Variants in TRPC1 observed in about 807,000 individuals in gnomAD.
The protein encoded by TRPC1 is short transient receptor potential channel 1.
Under a neutral mutation model 88.2 loss-of-function variants are expected in TRPC1, and 42 were observed. That is an observed-to-expected ratio of 0.48 (90% CI 0.37 to 0.62). The LOEUF (loss-of-function observed/expected upper bound fraction) is 0.62. Among genes scored for constraint, TRPC1 ranks in the 20% least tolerant of loss-of-function variants. The pLI is 0.00. For missense variants in TRPC1, 699 were observed against 957.3 expected, an observed-to-expected ratio of 0.73 and a Z score of 3.56; for synonymous variants, 288 against 331.8, an observed-to-expected ratio of 0.87 and a Z score of 1.43.
Position 142,773,244 on chromosome 3 carries a change from G to A in TRPC1, c.633-4388G>A, listed in dbSNP as rs187030113. Among the ~76,000 whole-genome samples, 187 of 151,448 alleles carry A rather than the reference G, an allele frequency of 1.2e-3. 1 individual carries two copies. In the East Asian group the frequency reaches 0.025, roughly 20 times the overall value. ...GTCTTTTTTTTTGAGATGGAGTCTC[G>A]CTGTGTTGCCCATGCTGGAGTGCAG... On this transcript the variant is annotated intron_variant, in intron 4 of 12. Transcript: ENST00000476941.
chr3:142,774,592 T>A (rs1935691559), intron 4 of TRPC1, among the ~76,000 whole-genome samples: 3 of 152,196 alleles, frequency 2.0e-5, no homozygotes, highest in Admixed American at 2.0e-4. Context: ...TGGAGGCAGT[T>A]CTAGGCAAGG....
intron 10 of TRPC1, among the ~76,000 whole-genome samples, chr3:142,802,723 C>T (rs766200978): frequency 2.2e-4 from 34 of 152,270 alleles, no homozygotes; most frequent in African/African-American, 5.8e-4. Flanking sequence ...CAGCCAAAAA[C>T]GCTCACAGCT....
At chr3:142,766,558 G>T (rs1935398464) in intron 4 of TRPC1, among the ~76,000 whole-genome samples, 1 of 151,956 alleles carries the variant, frequency 6.6e-6, no homozygotes, top group Non-Finnish European at 1.5e-5. Flanking sequence ...GTACCACCAT[G>T]CCTGGCTAAT....
intron 1 of TRPC1, among the ~76,000 whole-genome samples, chr3:142,729,029 C>A (rs1271758649): frequency 6.6e-6 from 1 of 152,154 alleles, no homozygotes; most frequent in Non-Finnish European, 1.5e-5. Flanking sequence ...ATAGACATAG[C>A]ATTTATGTAC....
chr3:142,782,703 T>G (rs1936001880), intron 6 of TRPC1, among the ~76,000 whole-genome samples: 1 of 151,990 alleles, frequency 6.6e-6, no homozygotes, highest in African/African-American at 2.4e-5. Flanking sequence ...AACAGGGTGC[T>G]CAGATGGGTG....
chr3:142,789,319 C>CTCCTTCCCCCAAAAAAA (rs201362025), intron 7 of TRPC1, among the ~76,000 whole-genome samples: 4 of 152,060 alleles, frequency 2.6e-5, no homozygotes, highest in Admixed American at 6.6e-5. Flanking sequence ...CCAAATAAAA[C>CTCCTTCCCCCAAAAAAA]AGTATTTGAG....
chr3:142,772,837 G>A (rs2108099490), intron 4 of TRPC1, among the ~76,000 whole-genome samples: 1 of 152,224 alleles, frequency 6.6e-6, no homozygotes, highest in South Asian at 2.1e-4. Context: ...TGGGAACCTA[G>A]AAGTCAGAAA....
Position 142,790,323 on chromosome 3 carries a change from G to A in TRPC1, c.1298-696G>A, listed in dbSNP as rs1009722045. ...GGATAGGTAATTTGGAGACTTGCAG[G>A]CCATTGTAAAGACTGGTTTTGATTC... On this transcript the variant is annotated intron_variant, in intron 7 of 12. Transcript: ENST00000476941. 1.3e-3 allele frequency among the ~76,000 whole-genome samples: 204 copies of A among 152,246 alleles called. 2 individuals are homozygous for A. Among genetic ancestry groups the A allele is most frequent in the Non-Finnish European group, 8.4e-4 (57 of 68,018 alleles).
rs546494818 is a variant in TRPC1 at position 142,734,871 on chromosome 3, G to A, written c.173-1508G>A. 1.6e-3 allele frequency among the ~76,000 whole-genome samples: 247 copies of A among 152,208 alleles called. 1 individual carries two copies. The highest frequency in any genetic ancestry group is 5.7e-3 in the African/African-American group (236 of 41,538). ...CACCTGGACACATCACGATAACAAA[G>A]TATAGCAGAATTTTTATGTGTAGCA... On this transcript the variant is annotated intron_variant, in intron 1 of 12. Coordinates refer to ENST00000476941, the MANE Select transcript of TRPC1 (RefSeq NM_001251845.2).
At chr3:142,744,123 G>A (rs1206754803) in intron 3 of TRPC1, among the ~76,000 whole-genome samples, 1 of 151,980 alleles carries the variant, frequency 6.6e-6, no homozygotes, top group Non-Finnish European at 1.5e-5. Context: ...CTTAATATTG[G>A]ACAAATTGGT....
intron 9 of TRPC1, 46 bp downstream of exon 9, chr3:142,793,013 T>C (rs753004703): frequency 6.9e-7 from 1 of 1,454,142 alleles, no homozygotes; most frequent in Non-Finnish European, 9.2e-7. Context: ...GATGTCATTA[T>C]TGTTACATCT....
At position 142,724,594 on chromosome 3, in the gene TRPC1, C is replaced by G. The variant is rs201081463; in HGVS notation, c.35C>G (p.Ser12Trp). The G allele has an allele frequency of 5.4e-5, 86 of 1,600,738 alleles. No homozygotes were observed. The East Asian group carries it at 1.8e-3, about 34-fold the overall frequency. The change falls in exon 1 of 13, where the codon TCG (serine) becomes TGG (tryptophan). Residue 12 changes from serine (S) to tryptophan (W), a missense_variant. Coordinates refer to ENST00000476941, the MANE Select transcript of TRPC1 (RefSeq NM_001251845.2). The surrounding 1 kb of genome is among the most constrained non-coding windows in gnomAD (Gnocchi z 5.6). ...GCCCTGTACCCGAGCACGGACCTCT[C>G]GGGCGCCTCCTCCTCCTCCCTGCCT... ...MAALYPSTDLSGASSSSLPSS... is the reference protein window; with the variant it reads ...MAALYPSTDLWGASSSSLPSS...
chr3:142,747,488 C>T (rs1449200960), intron 3 of TRPC1, among the ~76,000 whole-genome samples: 1 of 152,178 alleles, frequency 6.6e-6, no homozygotes, highest in Non-Finnish European at 1.5e-5. Context: ...GGAGCTCCAG[C>T]TCTAGAGTAA....
In TRPC1 at chr3:142,724,557, G is replaced by C. The variant is rs1049537038; in HGVS notation, c.-3G>C. The stretch of plus-strand genomic sequence containing the variant: ...TCCTGGCCTGCCCCCTTCATGGGCC[G>C]CGATGATGGCGGCCCTGTACCCGAG... On this transcript the variant is annotated 5_prime_UTR_variant, in exon 1 of 13. Transcript: ENST00000476941. The surrounding 1 kb of genome is among the most constrained non-coding windows in gnomAD (Gnocchi z 5.6). The C allele has an allele frequency of 1.3e-6, 2 of 1,561,714 alleles. No homozygotes were observed. The highest frequency in any genetic ancestry group is 1.7e-6 in the Non-Finnish European group (2 of 1,155,642).
At chr3:142,730,330 G>A (rs941374520) in intron 1 of TRPC1, among the ~76,000 whole-genome samples, 1 of 152,062 alleles carries the variant, frequency 6.6e-6, no homozygotes, top group Admixed American at 6.6e-5. Flanking sequence ...AGGCAGCAGT[G>A]TGAATCTTTG....
chr3:142,805,793 T>C (rs1936775298), intron 12 of TRPC1, among the ~76,000 whole-genome samples: 1 of 152,194 alleles, frequency 6.6e-6, no homozygotes, highest in Admixed American at 6.5e-5. Context: ...AGACTAATTT[T>C]TTTCAATCAA....
At chr3:142,763,189 C>A (rs1577973553) in intron 4 of TRPC1, among the ~76,000 whole-genome samples, 1 of 152,094 alleles carries the variant, frequency 6.6e-6, no homozygotes, top group Non-Finnish European at 1.5e-5. Context: ...CCTATTAGAT[C>A]TAGTGCGTAG....
chr3:142,743,564 G>A lies in TRPC1; in HGVS notation c.407G>A (p.Arg136Gln), dbSNP rs939941208. The A allele has an allele frequency of 2.6e-6, 4 of 1,522,474 alleles. No individual in the cohort carries two copies. The highest frequency in any genetic ancestry group is 1.7e-4 in the Middle Eastern group (1 of 5,948). The allele number at this position is 1,522,474 out of a possible 1,614,324, so 94.3% of individuals were successfully genotyped here. A position where few individuals can be genotyped will look rare whatever the true frequency, so the allele number is the denominator to read the frequency against. The change falls in exon 3 of 13, where the codon CGA (arginine) becomes CAA (glutamine). Residue 136 changes from arginine (R) to glutamine (Q), a missense_variant. By Grantham distance (43) the Arg-to-Gln change is conservative. Coordinates refer to ENST00000476941, the MANE Select transcript of TRPC1 (RefSeq NM_001251845.2). ...VDILLNHRPK[R>Q]SSRPTIVKLM... Reference sequence around the variant, plus strand: ...ATACTACTTAATCATCGACCAAAACGATCATCAAGACCAACTATAGTAGTT... The same window carrying A: ...ATACTACTTAATCATCGACCAAAACAATCATCAAGACCAACTATAGTAGTT...
At chr3:142,805,614 G>T (rs1037647230) in intron 12 of TRPC1, among the ~76,000 whole-genome samples, 1 of 152,036 alleles carries the variant, frequency 6.6e-6, no homozygotes, top group African/African-American at 2.4e-5. Flanking sequence ...TTTGGGAGGG[G>T]ATAAAATTTC....
Sources: allele counts gnomAD v4.1 joint callset (sites outside exome capture counted in the v4.1 genomes callset), GRCh38; gene constraint gnomAD v4.1.1; non-coding constraint Gnocchi (gnomAD v3.1); transcripts MANE v1.5; gene names NCBI Gene and HGNC (gene_info 2026-07-23, HGNC 2026-07-21).